WNT2B: variants seen among roughly 807,000 people sequenced by gnomAD.
The protein encoded by WNT2B is Wnt family member 2B.
In WNT2B, 19 loss-of-function variants were observed where a neutral mutation model predicts 40.5. That is an observed-to-expected ratio of 0.47 (90% CI 0.33 to 0.69). WNT2B has a LOEUF of 0.69. Ranked by LOEUF, WNT2B falls within the 30% of genes least tolerant of loss-of-function variation. The probability of loss-of-function intolerance (pLI) is 0.02; values close to 1 mark genes in which losing one functional copy is unlikely to be tolerated. For synonymous variants in WNT2B, 220 were observed against 211.9 expected, an observed-to-expected ratio of 1.04 and a Z score of -0.33; for missense variants, 467 against 556.4, an observed-to-expected ratio of 0.84 and a Z score of 1.62.
rs568363006 is a variant in WNT2B at position 112,521,667 on chromosome 1, G to T, written c.*1158G>T. On this transcript the variant is annotated 3_prime_UTR_variant, in exon 5 of 5. Coordinates refer to ENST00000369684, the MANE Select transcript of WNT2B (RefSeq NM_024494.3). Reference sequence around the variant, plus strand: ...AAATCTTTATTTAGTGACTCTCCAAGTCCTAGTGATTATTATTATTGTTCA... The same window carrying T: ...AAATCTTTATTTAGTGACTCTCCAATTCCTAGTGATTATTATTATTGTTCA... 53 of 152,248 alleles carry T rather than the reference G, an allele frequency of 3.5e-4. No homozygotes were observed. Among genetic ancestry groups the T allele is most frequent in the African/African-American group, 1.1e-3 (47 of 41,530 alleles). 9.4% of individuals were successfully genotyped at this position (152,248 alleles called of 1,614,324 possible). A position where few individuals can be genotyped will look rare whatever the true frequency, so the allele number is the denominator to read the frequency against.
In WNT2B at chr1:112,482,463, T is replaced by C. The variant is rs149789109; in HGVS notation, c.-95+14872T>C. On this transcript the variant is annotated intron_variant, in intron 1 of 4. Transcript: ENST00000256640. ...CAATCGTCCTGCCTCAGCCTACTGATAATCTGGGACTACAGGCACATGCCA... is the reference window on the plus strand; with the variant it reads ...CAATCGTCCTGCCTCAGCCTACTGACAATCTGGGACTACAGGCACATGCCA... Among the ~76,000 whole-genome samples the C allele has an allele frequency of 3.5e-3, 532 of 152,246 alleles. 2 individuals carry two copies. The highest frequency in any genetic ancestry group is 5.9e-3 in the Non-Finnish European group (402 of 68,024).
chr1:112,509,426 G>A lies in WNT2B; in HGVS notation c.164G>A (p.Arg55His). ...LLLLLLTLPA[R>H]VDTSWWYIGA... ...CTGCTGCTGCTGACGCTGCCGGCCC[G>A]CGTAGACACGTCCTGGTGGTAAGTG... is the stretch of plus-strand genomic sequence containing the variant. Residue 55 changes from arginine (R) to histidine (H), a missense_variant, in exon 1 of 5, where the codon CGC (arginine) becomes CAC (histidine). Arg to His is a conservative substitution (Grantham distance 29). Transcript: ENST00000369684. The surrounding 1 kb of genome is among the most constrained non-coding windows in gnomAD (Gnocchi z 4.2). 6.3e-7 allele frequency: 1 copy of A among 1,592,042 alleles called. No homozygotes were observed. The highest frequency in any genetic ancestry group is 8.5e-7 in the Non-Finnish European group (1 of 1,175,878).
chr1:112,479,765 G>A (rs1025510313), intron 1 of WNT2B, among the ~76,000 whole-genome samples: 10 of 151,858 alleles, frequency 6.6e-5, no homozygotes, highest in African/African-American at 1.7e-4. Context: ...AGGCTGGAGC[G>A]CAGTGTCGCA....
Position 112,517,128 on chromosome 1 carries a change from G to A in WNT2B, c.689G>A (p.Arg230Gln), listed in dbSNP as rs1412541507. 1.9e-5 allele frequency: 31 copies of A among 1,610,762 alleles called. No homozygotes were observed. Among genetic ancestry groups the A allele is most frequent in the Non-Finnish European group, 2.5e-5 (29 of 1,177,468 alleles). The change falls in exon 4 of 5, where the codon CGG becomes CAG. Residue 230 changes from arginine to glutamine, a missense_variant. By Grantham distance (43) the Arg-to-Gln change is conservative. Around this residue, in one of 2 missense-constraint regions of WNT2B, gnomAD observed 330 missense variants for 438.6 expected, o/e 0.75. Transcript: ENST00000369684. ...GCCTTCCCCCTCCCCCAGGCTGTGC[G>A]GCGGTTTCTGAAGCTGGAGTGTAAG... Reference protein sequence around the residue: ...HNNRCGRTAVRRFLKLECKCH... With the variant: ...HNNRCGRTAVQRFLKLECKCH...
At chr1:112,519,489 G>A (rs187441977) in intron 4 of WNT2B, among the ~76,000 whole-genome samples, 1 of 152,106 alleles carries the variant, frequency 6.6e-6, no homozygotes, top group African/African-American at 2.4e-5. Flanking sequence ...TCATCCAAAA[G>A]TCTATTGATT....
At chr1:112,498,097 C>A (rs950523588) in intron 1 of WNT2B, among the ~76,000 whole-genome samples, 1 of 150,784 alleles carries the variant, frequency 6.6e-6, no homozygotes, top group Non-Finnish European at 1.5e-5. Flanking sequence ...CCCCGATAGG[C>A]CCCGGTGTGT....
At chr1:112,481,117 C>T (rs150309750) in intron 1 of WNT2B, among the ~76,000 whole-genome samples, 1,603 of 151,120 alleles carry the variant, frequency 0.011, 26 homozygotes, top group African/African-American at 0.037. Context: ...TGCAGTGAGC[C>T]GAGATCGCGC....
chr1:112,496,260 A>G (rs972810508), intron 1 of WNT2B, among the ~76,000 whole-genome samples: 3 of 152,172 alleles, frequency 2.0e-5, no homozygotes, highest in African/African-American at 7.2e-5. Context: ...GACTACAGGC[A>G]TTTGCCAGCA....
At chr1:112,481,222 T>A (rs1045753082) in intron 1 of WNT2B, among the ~76,000 whole-genome samples, 1 of 152,194 alleles carries the variant, frequency 6.6e-6, no homozygotes, top group Non-Finnish European at 1.5e-5. Context: ...CTTATTTATT[T>A]GTTCATTTGT....
chr1:112,516,832 A>T (rs1457697233), intron 3 of WNT2B, among the ~76,000 whole-genome samples: 1 of 152,228 alleles, frequency 6.6e-6, no homozygotes, highest in Non-Finnish European at 1.5e-5. Context: ...AAAGTAGAGG[A>T]TGTGCAAGCA....
At chr1:112,517,501 CAGTT>C in intron 4 of WNT2B, 116 bp downstream of exon 4, 1 of 1,329,552 alleles carries the variant, frequency 7.5e-7, no homozygotes, top group Non-Finnish European at 1.0e-6. Flanking sequence ...TGGGAGGAGG[CAGTT>C]TCCTCTCCAC....
chr1:112,497,290 TGCCCGG>T (rs1651807335), intron 1 of WNT2B, among the ~76,000 whole-genome samples: 1 of 151,940 alleles, frequency 6.6e-6, no homozygotes, highest in Non-Finnish European at 1.5e-5. Flanking sequence ...AGCAAGTCTT[TGCCCGG>T]GCCCTGAGGT....
At chr1:112,520,186 A>T in intron 4 of WNT2B, 94 bp from the exon 5 acceptor site, 1 of 1,311,744 alleles carries the variant, frequency 7.6e-7, no homozygotes, top group Non-Finnish European at 1.1e-6. Flanking sequence ...CAAAAAAGCG[A>T]TTCTTTTTAT....
At chr1:112,507,062 G>T (rs1162674551), upstream of WNT2B, among the ~76,000 whole-genome samples, 1 of 152,180 alleles carries the variant, frequency 6.6e-6, no homozygotes, top group African/African-American at 2.4e-5. Flanking sequence ...TTGGGTCCCT[G>T]TACGGGCTCT....
intron 1 of WNT2B, among the ~76,000 whole-genome samples, chr1:112,475,663 A>G (rs1360845919): frequency 1.3e-5 from 2 of 152,184 alleles, no homozygotes; most frequent in African/African-American, 4.8e-5. Context: ...GATGTACACA[A>G]TGAGCCATAA....
chr1:112,528,050 GA>G lies in WNT2B; in HGVS notation c.*7544del, dbSNP rs1040560072. ...ACAGAAGCAACAATTACAATAAAAT[GA>G]AACAGTTTAATGGACTAGGAAGCAG... is the stretch of plus-strand genomic sequence containing the variant. On this transcript the variant is annotated 3_prime_UTR_variant, in exon 5 of 5. Transcript: ENST00000369684. 3.3e-5 allele frequency: 5 copies of G among 152,168 alleles called. No homozygotes were observed. Among genetic ancestry groups the G allele is most frequent in the African/African-American group, 1.2e-4 (5 of 41,432 alleles). The allele number at this position is 152,168 out of a possible 1,614,324, so 9.4% of individuals were successfully genotyped here.
chr1:112,490,435 G>T (rs1164968656), intron 1 of WNT2B, among the ~76,000 whole-genome samples: 1 of 152,056 alleles, frequency 6.6e-6, no homozygotes, highest in Non-Finnish European at 1.5e-5. Context: ...TGAGAAAGGG[G>T]CTCAAAGAGA....
At chr1:112,508,352 C>A (rs534532553), upstream of WNT2B, among the ~76,000 whole-genome samples, 366 of 150,510 alleles carry the variant, frequency 2.4e-3, 7 homozygotes, top group African/African-American at 8.3e-3. This position sits in a 1 kb window ranked among gnomAD's most constrained non-coding sequence, Gnocchi z 4.2. Flanking sequence ...GCAGGCCGGG[C>A]AAGCAGGAGC....
chr1:112,507,856 T>C (rs1354974721), upstream of WNT2B, among the ~76,000 whole-genome samples: 6 of 152,166 alleles, frequency 3.9e-5, no homozygotes. Context: ...CTCTCGAAGT[T>C]AAGCCCAGGA....
Sources: allele counts gnomAD v4.1 joint callset (sites outside exome capture counted in the v4.1 genomes callset), GRCh38; gene constraint gnomAD v4.1.1; regional missense constraint gnomAD v4.1.1; non-coding constraint Gnocchi (gnomAD v3.1); transcripts MANE v1.5; gene names NCBI Gene and HGNC (gene_info 2026-07-23, HGNC 2026-07-21).